PNPLA7: variants seen among roughly 807,000 people sequenced by gnomAD.
PNPLA7 encodes patatin-like phospholipase domain-containing protein 7.
A neutral mutation model predicts 161.7 loss-of-function variants in PNPLA7; 153 were observed. That is an observed-to-expected ratio of 0.95 (90% confidence interval 0.83 to 1.08). The LOEUF (loss-of-function observed/expected upper bound fraction) is 1.08, where lower values mean the gene tolerates loss of function less well. Ranked by LOEUF, PNPLA7 falls within the 50% of genes least tolerant of loss-of-function variation. The pLI, the probability that PNPLA7 is intolerant of heterozygous loss-of-function variation, is 0.00. For missense variants in PNPLA7, 1,739 were observed against 1,856.6 expected, an observed-to-expected ratio of 0.94 and a Z score of 1.16; for synonymous variants, 809 against 782.1, an observed-to-expected ratio of 1.03 and a Z score of -0.57.
rs1831266065 is a variant in PNPLA7 at position 137,462,525 on chromosome 9, T to G, written c.3492+160A>C. ...TTCAGGCCCGTCCGGCCTCGTGCCT[T>G]CCTTCGCCCGAGTTGGGCTCAGGCA... On this transcript the variant is annotated intron_variant, in intron 30 of 34. Coordinates refer to ENST00000406427, the MANE Select transcript of PNPLA7 (RefSeq NM_001098537.3). The G allele has an allele frequency of 6.5e-6, 9 of 1,390,656 alleles. No individual in the cohort carries two copies. The South Asian group carries it at 1.2e-4, about 18-fold the overall frequency. 86.1% of individuals were successfully genotyped at this position (1,390,656 alleles called of 1,614,324 possible).
intron 26 of PNPLA7, among the ~76,000 whole-genome samples, chr9:137,465,740 A>G (rs1831432262): frequency 6.6e-6 from 1 of 152,192 alleles, no homozygotes; most frequent in Non-Finnish European, 1.5e-5. Flanking sequence ...GCTGCCGCAC[A>G]GGGGGTGACG....
chr9:137,462,442 C>A, intron 30 of PNPLA7, 111 bp from the exon 31 acceptor site: 1 of 1,493,490 alleles, frequency 6.7e-7, no homozygotes, highest in South Asian at 1.3e-5. Flanking sequence ...TAGGTAGGTT[C>A]TGGGGGGAGA....
rs919972639 is a variant in PNPLA7, at chr9:137,478,995, C to T, written c.2763+61G>A. On this transcript the variant is annotated intron_variant, in intron 24 of 34. Coordinates refer to ENST00000406427, the MANE Select transcript of PNPLA7 (RefSeq NM_001098537.3). ...CAGGTGGGGAATGTGAAGAATGCTTCGAACGTTCGAGGAAATGAACCACGG... is the reference window on the plus strand; with the variant it reads ...CAGGTGGGGAATGTGAAGAATGCTTTGAACGTTCGAGGAAATGAACCACGG... 1.8e-5 allele frequency: 26 copies of T among 1,468,820 alleles called. No homozygotes were observed. In the Admixed American group the frequency reaches 3.2e-4, roughly 18 times the overall value. 91.0% of individuals were successfully genotyped at this position (1,468,820 alleles called of 1,614,324 possible). A position where few individuals can be genotyped will look rare whatever the true frequency, so the allele number is the denominator to read the frequency against.
chr9:137,518,048 CCACT>C (rs1834721559), intron 11 of PNPLA7, among the ~76,000 whole-genome samples: 1 of 111,350 alleles, frequency 9.0e-6, no homozygotes, highest in Non-Finnish European at 1.8e-5. Context: ...ACTCCATCCC[CCACT>C]CACTCACTCC....
intron 26 of PNPLA7, 128 bp from the exon 27 acceptor site, chr9:137,464,584 C>T (rs561792805): frequency 1.5e-4 from 130 of 875,808 alleles, no homozygotes; most frequent in Non-Finnish European, 2.2e-4. Flanking sequence ...GCCCCACCCA[C>T]GGTCCTGAGG....
At chr9:137,498,554 G>A (rs1833195532) in intron 16 of PNPLA7, among the ~76,000 whole-genome samples, 1 of 152,254 alleles carries the variant, frequency 6.6e-6, no homozygotes, top group African/African-American at 2.4e-5. Flanking sequence ...GACTGCACAT[G>A]CCGTCAGGAG....
At chr9:137,498,093 G>A in intron 17 of PNPLA7, 21 bp downstream of exon 17, 5 of 1,610,274 alleles carry the variant, frequency 3.1e-6, no homozygotes, top group South Asian at 1.1e-5. Context: ...GATGCGGAGT[G>A]TGTGGCACCC....
At chr9:137,478,898 G>C in intron 24 of PNPLA7, 158 bp downstream of exon 24, 1 of 1,082,432 alleles carries the variant, frequency 9.2e-7, no homozygotes, top group Non-Finnish European at 1.3e-6. Flanking sequence ...CAAAGGGCAA[G>C]ATGAAGGAGA....
At position 137,547,615 on chromosome 9, in the gene PNPLA7, CCA is replaced by C; in HGVS notation, c.73_74del (p.Trp25ValfsTer37). ...LGTALHSWGLWFTEEGSPSTM... is the reference protein window; with the variant it reads ...LGTALHSWGLXFTEEGSPSTM... ...TGGACGGTGAACCTTCCTCCGTGAA[CCA>C]CAGTCCCCAAGAGTGCAGGGCGGTG... On this transcript the variant is annotated frameshift_variant, in exon 2 of 35. Coordinates refer to ENST00000406427, the MANE Select transcript of PNPLA7 (RefSeq NM_001098537.3). LOFTEE classifies it high-confidence loss of function. This position sits in a 1 kb window ranked among gnomAD's most constrained non-coding sequence, Gnocchi z 4.6. 1 of 1,613,242 alleles carries C rather than the reference CCA, an allele frequency of 6.2e-7. No individual in the cohort carries two copies. The highest frequency in any genetic ancestry group is 1.1e-5 in the South Asian group (1 of 91,084).
Position 137,547,223 on chromosome 9 carries a change from G to A in PNPLA7, c.193+86C>T, listed in dbSNP as rs1836580259. On this transcript the variant is annotated intron_variant, in intron 3 of 34. Coordinates refer to ENST00000406427, the MANE Select transcript of PNPLA7 (RefSeq NM_001098537.3). This position sits in a 1 kb window ranked among gnomAD's most constrained non-coding sequence, Gnocchi z 4.6. ...AGCCAAAGCCACCATGCGCTTGAGG[G>A]CCCCTCCCAGGGGCTCAAAACACAT... The A allele has an allele frequency of 1.5e-6, 2 of 1,308,734 alleles. No individual in the cohort carries two copies. Among genetic ancestry groups the A allele is most frequent in the African/African-American group, 2.9e-5 (2 of 68,460 alleles). The allele number at this position is 1,308,734 out of a possible 1,614,324, so 81.1% of individuals were successfully genotyped here.
rs142989956 is a variant in PNPLA7, at chr9:137,497,156, G to C, written c.2013+31C>G. ...GATGCTCTGGGAGGGATGCAGAGGT[G>C]GGGGAGGCAGGAGCAGGGCCCAGCA... On this transcript the variant is annotated intron_variant, in intron 18 of 34. Transcript: ENST00000406427. 182 of 1,517,390 alleles carry C rather than the reference G, an allele frequency of 1.2e-4. No homozygotes were observed. The African/African-American group carries it at 1.6e-3, about 13-fold the overall frequency. The allele number at this position is 1,517,390 out of a possible 1,614,324, so 94.0% of individuals were successfully genotyped here. A position where few individuals can be genotyped will look rare whatever the true frequency, so the allele number is the denominator to read the frequency against.
chr9:137,479,221 C>G lies in PNPLA7; in HGVS notation c.2598G>C (p.Glu866Asp). Residue 866 changes from glutamate (E) to aspartate (D), a missense_variant, in exon 24 of 35, where the codon GAG (glutamate) becomes GAC (aspartate). This residue lies in a region of PNPLA7 where 703 missense variants were observed against 694.6 expected (regional missense o/e 1.01). Transcript: ENST00000406427. ...PTVGELERML[E>D]STAVRAQKQL... ...GCTTCTGGGCACGCACAGCTGTGCT[C>G]TCCAGCATCCGCTCCAGCTGAAAGG... The G allele has an allele frequency of 1.9e-6, 3 of 1,542,480 alleles. No individual in the cohort carries two copies. Among genetic ancestry groups the G allele is most frequent in the Non-Finnish European group, 2.6e-6 (3 of 1,142,018 alleles).
chr9:137,497,608 A>C (rs1398799452), intron 17 of PNPLA7, among the ~76,000 whole-genome samples: 1 of 152,174 alleles, frequency 6.6e-6, no homozygotes, highest in Non-Finnish European at 1.5e-5. Flanking sequence ...GCTCACTGCA[A>C]CCTCCACCTC....
chr9:137,538,857 G>A (rs1419259269), intron 8 of PNPLA7, among the ~76,000 whole-genome samples: 1 of 152,122 alleles, frequency 6.6e-6, no homozygotes, highest in African/African-American at 2.4e-5. Flanking sequence ...TTCAAGACCA[G>A]CCTGGCCAAC....
chr9:137,460,395 A>G lies in PNPLA7; in HGVS notation c.4027T>C (p.Ter1343GlnextTer70). The G allele has an allele frequency of 6.2e-7, 1 of 1,611,988 alleles. No homozygotes were observed. The highest frequency in any genetic ancestry group is 8.5e-7 in the Non-Finnish European group (1 of 1,179,488). ...TCCGGGCTCTTTAGCAGAGGCCTCT[A>G]CCCGTCCTGGTCAGAGGAGCCCTCA... The part of the protein sequence containing the change: ...LSEGSSDQDG[*>Q] Residue 1343 changes from the stop codon to glutamine (Q), a stop_lost, in exon 35 of 35, where the codon TAG becomes CAG. Coordinates refer to ENST00000406427, the MANE Select transcript of PNPLA7 (RefSeq NM_001098537.3).
chr9:137,514,985 C>T (rs821303), intron 12 of PNPLA7, among the ~76,000 whole-genome samples: 1 of 151,744 alleles, frequency 6.6e-6, no homozygotes, highest in Non-Finnish European at 1.5e-5. Flanking sequence ...AAGGTCCCTG[C>T]GGGGAGGCAC....
chr9:137,524,933 C>G lies in PNPLA7; in HGVS notation c.748-2076G>C, dbSNP rs1835225872. Among the ~76,000 whole-genome samples the G allele has an allele frequency of 6.6e-6, 1 of 152,250 alleles. No homozygotes were observed. Among genetic ancestry groups the G allele is most frequent in the African/African-American group, 2.4e-5 (1 of 41,466 alleles). On this transcript the variant is annotated intron_variant, in intron 8 of 34. Transcript: ENST00000406427. The surrounding 1 kb of genome is among the most constrained non-coding windows in gnomAD (Gnocchi z 4.4). Reference sequence around the variant, plus strand: ...CCATGTCGCATAATAAAGAATTTAGCTGGTCTTGTCTTCAGTTCCCAGGAG... The same window carrying G: ...CCATGTCGCATAATAAAGAATTTAGGTGGTCTTGTCTTCAGTTCCCAGGAG...
At chr9:137,483,920 A>G (rs898822084) in intron 21 of PNPLA7, among the ~76,000 whole-genome samples, 2 of 152,108 alleles carry the variant, frequency 1.3e-5, no homozygotes, top group Non-Finnish European at 2.9e-5. Context: ...ATAATTATAC[A>G]ACATTCATTG....
At position 137,479,168 on chromosome 9, in the gene PNPLA7, C is replaced by G. The variant is rs763604287; in HGVS notation, c.2651G>C (p.Gly884Ala). The G allele has an allele frequency of 3.0e-5, 47 of 1,569,112 alleles. No homozygotes were observed. Among genetic ancestry groups the G allele is most frequent in the Non-Finnish European group, 4.0e-5 (46 of 1,158,286 alleles). ...CTCCACGGTGCGCGCTGGCGCCGGG[C>G]CCTCCTCCCTGTGCAGCAGGATCAG... ...KQLILLHREE[G>A]PAPARTVEWL... is the part of the protein sequence containing the mutation. Residue 884 changes from glycine (G) to alanine (A), a missense_variant, in exon 24 of 35, where the codon GGC becomes GCC. Transcript: ENST00000406427.
Sources: gnomAD v4.1 joint callset for allele counts (sites outside exome capture counted in the v4.1 genomes callset) on GRCh38, gnomAD v4.1.1 for gene constraint, gnomAD v4.1.1 regional missense constraint, Gnocchi (gnomAD v3.1) non-coding constraint, MANE v1.5 for transcripts, NCBI Gene and HGNC (gene_info 2026-07-23, HGNC 2026-07-21) for gene names.